Variants in REPS2 observed in about 807,000 individuals in gnomAD.
REPS2 encodes the protein RALBP1 associated Eps domain containing 2.
REPS2 carries 23 observed loss-of-function variants against 53.6 expected under a neutral mutation model. That is an observed-to-expected ratio of 0.43 (90% confidence interval 0.31 to 0.61). The LOEUF is 0.61. Among genes scored for constraint, REPS2 ranks in the 20% least tolerant of loss-of-function variants. The pLI, the probability that REPS2 is intolerant of heterozygous loss-of-function variation, is 0.11. For missense variants in REPS2, 446 were observed against 534.9 expected (o/e 0.83, Z 1.64); for synonymous variants, 238 against 218.6 (o/e 1.09, Z -0.78).
chrX:16,946,708 C>G lies in REPS2; in HGVS notation c.-154C>G. ...GGCGCGCGCCGGGAGGAAGCGGCCG[C>G]GCGGCAGCTGCGGGGCGTGGGGGTG... On this transcript the variant is annotated 5_prime_UTR_variant, in exon 1 of 18. Transcript: ENST00000357277. 1 of 606,555 alleles carries G rather than the reference C, an allele frequency of 1.6e-6. No individual in the cohort carries two copies. The highest frequency in any genetic ancestry group is 2.0e-6 in the Non-Finnish European group (1 of 509,790). The allele number at this position is 606,555 out of a possible 1,213,427, so 50.0% of individuals were successfully genotyped here.
chrX:17,180,447 T>A, the REPS2 span, among the ~76,000 whole-genome samples: 1 of 111,275 alleles, frequency 9.0e-6, no homozygotes, highest in Admixed American at 9.5e-5. Flanking sequence ...TAACAATGCC[T>A]ACTTTGCAGT....
At chrX:17,005,884 AC>A (rs1341359433) in intron 1 of REPS2, among the ~76,000 whole-genome samples, 3 of 112,042 alleles carry the variant, frequency 2.7e-5, no homozygotes, top group Non-Finnish European at 5.6e-5. Context: ...GACTTTCTAG[AC>A]TTTGAACATT....
chrX:17,167,609 G>A, the REPS2 span, among the ~76,000 whole-genome samples: 6 of 105,854 alleles, frequency 5.7e-5, no homozygotes, highest in Admixed American at 3.1e-4. Context: ...TGGGGGGAGC[G>A]GGTCTTCTGC....
rs2063542560 is a variant in REPS2, at chrX:17,148,969, TTTAATG to T, written c.*1491_*1496del. ...AGCTTTTAGAACAAGCAGGCATTTA[TTTAATG>T]TTTCCTTAGTCCATTGGCAAGCTTT... On this transcript the variant is annotated 3_prime_UTR_variant, in exon 18 of 18. Coordinates refer to ENST00000357277, the MANE Select transcript of REPS2 (RefSeq NM_004726.3). 1 of 375,361 alleles carries T rather than the reference TTTAATG, an allele frequency of 2.7e-6. No individual in the cohort carries two copies. Among genetic ancestry groups the T allele is most frequent in the African/African-American group, 2.5e-5 (1 of 39,818 alleles). The allele number at this position is 375,361 out of a possible 1,213,427, so 30.9% of individuals were successfully genotyped here.
intron 5 of REPS2, among the ~76,000 whole-genome samples, chrX:17,035,368 G>A (rs1699311731): frequency 9.2e-6 from 1 of 109,144 alleles, no homozygotes; most frequent in African/African-American, 3.3e-5. Flanking sequence ...ATGGGATTGA[G>A]TGAGGTGGGT....
At chrX:17,165,116 C>A in the REPS2 span, among the ~76,000 whole-genome samples, 1 of 111,448 alleles carries the variant, frequency 9.0e-6, no homozygotes, top group Non-Finnish European at 1.9e-5. Context: ...ATACACTTGT[C>A]ATTATTTTCA....
chrX:17,101,313 T>C (rs376967387), intron 13 of REPS2, among the ~76,000 whole-genome samples: 78 of 110,531 alleles, frequency 7.1e-4, no homozygotes, highest in East Asian at 2.3e-3. Context: ...CTGCCCGCCT[T>C]GGCCTCCCAA....
At chrX:16,989,892 A>T (rs1184242594) in intron 1 of REPS2, among the ~76,000 whole-genome samples, 1 of 112,498 alleles carries the variant, frequency 8.9e-6, no homozygotes, top group African/African-American at 3.2e-5. Context: ...TAAAGACACT[A>T]AACATGCAAC....
At chrX:16,983,188 T>C (rs2061040661) in intron 1 of REPS2, among the ~76,000 whole-genome samples, 1 of 100,222 alleles carries the variant, frequency 1.0e-5, no homozygotes, top group Non-Finnish European at 2.1e-5. Flanking sequence ...TTGAGAAGAT[T>C]AAATGGAAAA....
intron 2 of REPS2, among the ~76,000 whole-genome samples, chrX:17,016,598 G>A (rs1341093613): frequency 9.1e-6 from 1 of 110,039 alleles, no homozygotes; most frequent in African/African-American, 3.3e-5. Flanking sequence ...TAGTAGAGAT[G>A]GGGTTTCACC....
rs1391042901 is a variant in REPS2, at chrX:17,152,596, C to T, written c.*5115C>T. 1 of 112,452 alleles carries T rather than the reference C, an allele frequency of 8.9e-6. No individual in the cohort carries two copies. The allele number at this position is 112,452 out of a possible 1,213,427, so 9.3% of individuals were successfully genotyped here. ...TTCAGATACCAGTTCCATCCTGAAG[C>T]CCTCTGTTGAACAACAGGGCCAGAT... is the stretch of plus-strand genomic sequence containing the variant. On this transcript the variant is annotated 3_prime_UTR_variant, in exon 18 of 18. Transcript: ENST00000357277.
intron 9 of REPS2, among the ~76,000 whole-genome samples, chrX:17,064,395 C>T (rs141558070): frequency 0.012 from 1,301 of 111,668 alleles, 8 homozygotes; most frequent in Non-Finnish European, 0.018. Context: ...GATTTTGGAA[C>T]CAGCCCTGTG....
At chrX:17,081,262 A>G (rs1232515894) in intron 13 of REPS2, among the ~76,000 whole-genome samples, 1 of 111,827 alleles carries the variant, frequency 8.9e-6, no homozygotes, top group East Asian at 2.8e-4. Context: ...AGGAAATAGG[A>G]TGGAGAGAAG....
the REPS2 span, among the ~76,000 whole-genome samples, chrX:17,195,777 A>G: frequency 3.1e-4 from 35 of 112,473 alleles, no homozygotes; most frequent in Admixed American, 2.8e-3. Flanking sequence ...TTGAGGTAAT[A>G]TTTAAAGATT....
the REPS2 span, among the ~76,000 whole-genome samples, chrX:17,167,934 G>T: frequency 2.6e-4 from 29 of 111,104 alleles, no homozygotes; most frequent in Admixed American, 3.9e-4. Flanking sequence ...GGAAACTTTG[G>T]AGCACAGGAT....
intron 1 of REPS2, among the ~76,000 whole-genome samples, chrX:16,981,191 T>A (rs1387066847): frequency 9.0e-6 from 1 of 111,659 alleles, no homozygotes; most frequent in Non-Finnish European, 1.9e-5. Context: ...CCTCCTCCTT[T>A]CTTGTCCCAC....
chrX:17,001,854 C>T (rs554816876), intron 1 of REPS2, among the ~76,000 whole-genome samples: 36 of 111,523 alleles, frequency 3.2e-4, no homozygotes, highest in African/African-American at 1.1e-3. Flanking sequence ...AAGGCAGAAA[C>T]GCCTGATAAA....
chrX:17,139,830 C>G (rs1391584843), intron 17 of REPS2, among the ~76,000 whole-genome samples: 1 of 111,210 alleles, frequency 9.0e-6, no homozygotes, highest in Non-Finnish European at 1.9e-5. Context: ...TTATTGTATC[C>G]TCTTATAAGG....
chrX:17,170,679 C>T, the REPS2 span, among the ~76,000 whole-genome samples: 1 of 112,414 alleles, frequency 8.9e-6, no homozygotes, highest in Admixed American at 9.4e-5. Context: ...TGAGTGGACA[C>T]AGGCCCTCTT....
Sources: gnomAD v4.1 joint callset for allele counts (sites outside exome capture counted in the v4.1 genomes callset) on GRCh38, gnomAD v4.1.1 for gene constraint, MANE v1.5 for transcripts, NCBI Gene and HGNC (gene_info 2026-07-23, HGNC 2026-07-21) for gene names.